The following MAML3 variants were observed in gnomAD, a reference collection of about 807,000 sequenced individuals.
The protein encoded by MAML3 is mastermind-like protein 3.
In MAML3, 27 loss-of-function variants were observed where a neutral mutation model predicts 101.9. The ratio of observed to expected loss-of-function variants is 0.27; its 90% CI spans 0.20 to 0.37. The LOEUF (loss-of-function observed/expected upper bound fraction) is 0.37. Among genes scored for constraint, MAML3 ranks in the 10% least tolerant of loss-of-function variants. The pLI, the probability that MAML3 is intolerant of heterozygous loss-of-function variation, is 1.00. For missense variants in MAML3, 1,316 were observed against 1,444.9 expected (o/e 0.91, Z 1.45); for synonymous variants, 501 against 555.9 (o/e 0.90, Z 1.39).
chr4:139,837,357 G>A (rs562653226), intron 2 of MAML3, among the ~76,000 whole-genome samples: 14 of 151,900 alleles, frequency 9.2e-5, no homozygotes, highest in Admixed American at 7.2e-4. Context: ...AATTAGCTGG[G>A]CCTGGTGGTG....
intron 2 of MAML3, among the ~76,000 whole-genome samples, chr4:139,774,605 G>T (rs1041492939): frequency 8.5e-5 from 13 of 152,144 alleles, no homozygotes; most frequent in Non-Finnish European, 1.3e-4. Flanking sequence ...CTTAAACTCT[G>T]TCGCTCCATT....
intron 1 of MAML3, among the ~76,000 whole-genome samples, chr4:140,038,145 A>G (rs1727019393): frequency 6.6e-6 from 1 of 152,220 alleles, no homozygotes; most frequent in East Asian, 1.9e-4. Flanking sequence ...TCAGAAAGAA[A>G]TGCACTCGGA....
chr4:139,887,066 A>T (rs911847783), intron 2 of MAML3, among the ~76,000 whole-genome samples: 1 of 152,240 alleles, frequency 6.6e-6, no homozygotes, highest in South Asian at 2.1e-4. Flanking sequence ...AACGAAACTG[A>T]ACTAAACCTA....
At chr4:140,008,705 A>G (rs925090137) in intron 1 of MAML3, among the ~76,000 whole-genome samples, 3 of 152,320 alleles carry the variant, frequency 2.0e-5, no homozygotes, top group Non-Finnish European at 4.4e-5. Context: ...TAAACAAATA[A>G]AATTTATGAG....
chr4:139,869,984 T>G (rs1731974514), intron 2 of MAML3, among the ~76,000 whole-genome samples: 1 of 152,220 alleles, frequency 6.6e-6, no homozygotes, highest in East Asian at 1.9e-4. Context: ...GGTTCCTAGT[T>G]CTAGTGTTGA....
At chr4:139,962,791 G>A (rs1271527261) in intron 1 of MAML3, among the ~76,000 whole-genome samples, 1 of 152,182 alleles carries the variant, frequency 6.6e-6, no homozygotes, top group Non-Finnish European at 1.5e-5. Flanking sequence ...AGCATAACAT[G>A]TAAAAGCAAG....
At chr4:139,873,026 G>A (rs969566891) in intron 2 of MAML3, among the ~76,000 whole-genome samples, 1 of 152,168 alleles carries the variant, frequency 6.6e-6, no homozygotes, top group Admixed American at 6.5e-5. Flanking sequence ...ACGTTGCAGT[G>A]AGCTGAGATT....
chr4:140,076,098 C>A (rs1417212876), intron 1 of MAML3, among the ~76,000 whole-genome samples: 1 of 151,864 alleles, frequency 6.6e-6, no homozygotes, highest in African/African-American at 2.4e-5. Flanking sequence ...AACACCTGGC[C>A]TCAAGTGATC....
chr4:140,045,583 C>T (rs910056085), intron 1 of MAML3, among the ~76,000 whole-genome samples: 1 of 152,046 alleles, frequency 6.6e-6, no homozygotes, highest in African/African-American at 2.4e-5. Flanking sequence ...CACAGCTAAT[C>T]TCCTGTGGTT....
chr4:139,876,011 G>A (rs1011215670), intron 2 of MAML3, among the ~76,000 whole-genome samples: 4 of 147,972 alleles, frequency 2.7e-5, no homozygotes, highest in East Asian at 4.0e-4. Flanking sequence ...TCTAACTCGC[G>A]CTGTTCAACA....
intron 1 of MAML3, among the ~76,000 whole-genome samples, chr4:140,091,076 A>AAC (rs1234044372): frequency 1.2e-3 from 3 of 2,456 alleles, no homozygotes; most frequent in Non-Finnish European, 0.012. Flanking sequence ...CAACAACAAC[A>AAC]AACAACAAAA....
chr4:139,767,430 A>G (rs1727179035), intron 2 of MAML3, among the ~76,000 whole-genome samples: 1 of 152,186 alleles, frequency 6.6e-6, no homozygotes, highest in Non-Finnish European at 1.5e-5. Context: ...ATCTTACATT[A>G]ATGAAATTCC....
intron 1 of MAML3, among the ~76,000 whole-genome samples, chr4:139,916,300 A>G (rs1733027517): frequency 6.6e-6 from 1 of 152,162 alleles, no homozygotes; most frequent in African/African-American, 2.4e-5. Flanking sequence ...ATAAGAAGTT[A>G]CTCTCTGAAA....
At chr4:139,763,221 C>T (rs1340713444) in intron 2 of MAML3, among the ~76,000 whole-genome samples, 4 of 152,210 alleles carry the variant, frequency 2.6e-5, no homozygotes, top group South Asian at 2.1e-4. Context: ...CACAGGATTA[C>T]ACCTGGAAAG....
intron 1 of MAML3, among the ~76,000 whole-genome samples, chr4:140,138,661 C>T (rs1728935671): frequency 6.6e-6 from 1 of 152,134 alleles, no homozygotes; most frequent in Non-Finnish European, 1.5e-5. Context: ...GCCACACACT[C>T]TCCCCAGTGA....
chr4:139,782,532 A>C (rs1215155495), intron 2 of MAML3, among the ~76,000 whole-genome samples: 1 of 152,152 alleles, frequency 6.6e-6, no homozygotes, highest in African/African-American at 2.4e-5. Flanking sequence ...CAAAGATAAA[A>C]GTGTTAGCTG....
chr4:140,018,391 T>G (rs189527446), intron 1 of MAML3, among the ~76,000 whole-genome samples: 1 of 152,278 alleles, frequency 6.6e-6, no homozygotes, highest in African/African-American at 2.4e-5. Context: ...TTTGTAGCAG[T>G]GAAAGAGCAA....
chr4:140,042,982 C>T (rs1452941993), intron 1 of MAML3, among the ~76,000 whole-genome samples: 3 of 152,032 alleles, frequency 2.0e-5, no homozygotes, highest in African/African-American at 4.8e-5. Flanking sequence ...GCTCAGTGAC[C>T]ATGCTGCCCA....
intron 1 of MAML3, among the ~76,000 whole-genome samples, chr4:140,059,090 C>A (rs1409440714): frequency 6.6e-6 from 1 of 152,092 alleles, no homozygotes; most frequent in Non-Finnish European, 1.5e-5. Context: ...GAAGGCAGTG[C>A]TTTCTAGGAC....
Sources: gnomAD v4.1 joint callset for allele counts (sites outside exome capture counted in the v4.1 genomes callset) on GRCh38, gnomAD v4.1.1 for gene constraint, MANE v1.5 for transcripts, NCBI Gene and HGNC (gene_info 2026-07-23, HGNC 2026-07-21) for gene names.